The following CTNNA2 variants were observed in gnomAD, a reference collection of about 807,000 sequenced individuals.
CTNNA2 encodes the protein catenin alpha-2.
In CTNNA2, 42 loss-of-function variants were observed where a neutral mutation model predicts 101.0. The observed-to-expected ratio is 0.42, with a 90% CI of 0.32 to 0.54. The LOEUF (loss-of-function observed/expected upper bound fraction) is 0.54. Ranked by LOEUF, CTNNA2 falls within the 20% of genes least tolerant of loss-of-function variation. The pLI, the probability that CTNNA2 is intolerant of heterozygous loss-of-function variation, is 0.14. For missense variants in CTNNA2, 871 were observed against 1,223.1 expected (o/e 0.71, Z 4.29); for synonymous variants, 450 against 456.4 (o/e 0.99, Z 0.18).
chr2:79,268,116 G>A (rs1292087408), intron 2 of CTNNA2, among the ~76,000 whole-genome samples: 1 of 152,112 alleles, frequency 6.6e-6, no homozygotes, highest in African/African-American at 2.4e-5. Context: ...GTAGGCAGGG[G>A]CCTGATGGTA....
intron 9 of CTNNA2, among the ~76,000 whole-genome samples, chr2:80,450,684 C>A (rs1488767531): frequency 1.3e-5 from 2 of 152,116 alleles, no homozygotes; most frequent in Non-Finnish European, 2.9e-5. Context: ...CATTCAGATG[C>A]TTCCTTGAAT....
At chr2:79,370,475 A>T (rs1034426073) in intron 3 of CTNNA2, among the ~76,000 whole-genome samples, 3 of 152,204 alleles carry the variant, frequency 2.0e-5, no homozygotes, top group African/African-American at 7.2e-5. Context: ...ATAGAAAATC[A>T]TTGGAAAAAT....
At chr2:79,378,071 A>T (rs1209139023) in intron 4 of CTNNA2, among the ~76,000 whole-genome samples, 3 of 152,220 alleles carry the variant, frequency 2.0e-5, no homozygotes, top group Non-Finnish European at 4.4e-5. Flanking sequence ...TGTAGGACAC[A>T]GTATTGACCA....
intron 9 of CTNNA2, among the ~76,000 whole-genome samples, chr2:80,458,514 GT>G (rs1684168424): frequency 6.6e-6 from 1 of 152,120 alleles, no homozygotes; most frequent in African/African-American, 2.4e-5. Flanking sequence ...TTATATTTGT[GT>G]TTGGCTGGTT....
intron 7 of CTNNA2, among the ~76,000 whole-genome samples, chr2:79,928,261 T>G (rs1387749600): frequency 6.6e-6 from 1 of 152,184 alleles, no homozygotes; most frequent in Non-Finnish European, 1.5e-5. Flanking sequence ...CAGCTGTGGT[T>G]TTAATTGTCA....
intron 8 of CTNNA2, among the ~76,000 whole-genome samples, chr2:80,403,948 G>T (rs1437780933): frequency 6.6e-6 from 1 of 152,170 alleles, no homozygotes; most frequent in Non-Finnish European, 1.5e-5. Context: ...CTTGCAACCT[G>T]CAGATGAGGC....
chr2:79,895,692 AT>A (rs70940058), intron 6 of CTNNA2, among the ~76,000 whole-genome samples: 33,450 of 140,396 alleles, frequency 0.24, 4,028 homozygotes, highest in African/African-American at 0.3. Flanking sequence ...AAATTTCTTA[AT>A]TTTTTTTTTT....
At chr2:80,429,291 T>C (rs1431341557) in intron 9 of CTNNA2, among the ~76,000 whole-genome samples, 1 of 152,206 alleles carries the variant, frequency 6.6e-6, no homozygotes, top group Non-Finnish European at 1.5e-5. Flanking sequence ...ATTTAATGCT[T>C]CTGACAACCT....
At chr2:79,466,190 T>C (rs564481208) in intron 4 of CTNNA2, among the ~76,000 whole-genome samples, 1 of 152,336 alleles carries the variant, frequency 6.6e-6, no homozygotes, top group Admixed American at 6.5e-5. Flanking sequence ...CCCACCCTAA[T>C]ACTGCGCTTT....
At chr2:79,404,066 T>G (rs1291035250) in intron 4 of CTNNA2, among the ~76,000 whole-genome samples, 1 of 151,792 alleles carries the variant, frequency 6.6e-6, no homozygotes, top group East Asian at 1.9e-4. Flanking sequence ...CTTCTGTTTC[T>G]AACAAATTTT....
rs557614592 is a variant in CTNNA2 at position 80,365,903 on chromosome 2, G to A, written c.1057-27308G>A. ...AGAGTGCATTTTTCCCCCTGTGGTCGGCTGTTATGCTTGCCCCTCGGGGCC... is the reference window on the plus strand; with the variant it reads ...AGAGTGCATTTTTCCCCCTGTGGTCAGCTGTTATGCTTGCCCCTCGGGGCC... On this transcript the variant is annotated intron_variant, in intron 7 of 18. Transcript: ENST00000402739. Among the ~76,000 whole-genome samples, 8 of 152,230 alleles carry A rather than the reference G, an allele frequency of 5.3e-5. No individual in the cohort carries two copies. The East Asian group carries it at 1.2e-3, about 22-fold the overall frequency.
intron 3 of CTNNA2, among the ~76,000 whole-genome samples, chr2:79,344,464 A>G (rs192934257): frequency 6.6e-6 from 1 of 152,210 alleles, no homozygotes; most frequent in African/African-American, 2.4e-5. Flanking sequence ...CCCCCTTTGG[A>G]AAAGTTTCAC....
intron 3 of CTNNA2, among the ~76,000 whole-genome samples, chr2:79,777,399 C>T (rs1388386356): frequency 6.7e-6 from 1 of 148,668 alleles, no homozygotes. Flanking sequence ...TATTCATTTG[C>T]ATTCCTTACC....
At chr2:80,021,095 C>CT (rs1694530966) in intron 7 of CTNNA2, among the ~76,000 whole-genome samples, 1 of 147,554 alleles carries the variant, frequency 6.8e-6, no homozygotes, top group African/African-American at 2.5e-5. Flanking sequence ...TCGTGGCTCA[C>CT]TGCAACCTCC....
chr2:79,882,391 T>A (rs538646981), intron 6 of CTNNA2, among the ~76,000 whole-genome samples: 2 of 152,284 alleles, frequency 1.3e-5, no homozygotes, highest in African/African-American at 4.8e-5. Context: ...CCATTTTCTG[T>A]CCCTGAGTCT....
At chr2:79,905,232 C>A (rs1685340767) in intron 6 of CTNNA2, among the ~76,000 whole-genome samples, 1 of 151,768 alleles carries the variant, frequency 6.6e-6, no homozygotes, top group Non-Finnish European at 1.5e-5. Context: ...AGCAAATAAG[C>A]AAATAAGAAA....
At position 79,864,660 on chromosome 2, in the gene CTNNA2, A is replaced by G. The variant is rs116159365; in HGVS notation, c.466-5156A>G. Among the ~76,000 whole-genome samples, 1,052 of 152,318 alleles carry G rather than the reference A, an allele frequency of 6.9e-3. 13 individuals are homozygous for G. The highest frequency in any genetic ancestry group is 0.023 in the African/African-American group (951 of 41,572). Reference sequence around the variant, plus strand: ...TGTGAAAAAGAGGTAGATTTTACAGATACTCAGGATATAGAGGCACAGTGA... The same window carrying G: ...TGTGAAAAAGAGGTAGATTTTACAGGTACTCAGGATATAGAGGCACAGTGA... On this transcript the variant is annotated intron_variant, in intron 4 of 18. Coordinates refer to ENST00000402739, the MANE Select transcript of CTNNA2 (RefSeq NM_001282597.3).
Position 79,203,349 on chromosome 2 carries a change from T to G in CTNNA2, c.-406+5273T>G, listed in dbSNP as rs78156256. Among the ~76,000 whole-genome samples, 963 of 152,314 alleles carry G rather than the reference T, an allele frequency of 6.3e-3. 5 individuals are homozygous for G. Among genetic ancestry groups the G allele is most frequent in the African/African-American group, 0.022 (919 of 41,574 alleles). On this transcript the variant is annotated intron_variant, in intron 2 of 21. Coordinates refer to the CTNNA2 transcript ENST00000466387. ...TCATGACTCATATAAATGAAACATA[T>G]GTTAAAGATTTTATTTAACTCATAT...
chr2:79,846,266 C>T (rs1256490544), intron 3 of CTNNA2, among the ~76,000 whole-genome samples: 1 of 152,192 alleles, frequency 6.6e-6, no homozygotes, highest in African/African-American at 2.4e-5. Context: ...TTTGTTTAGC[C>T]AAAGACTCCT....
Sources: gnomAD v4.1 joint callset for allele counts (sites outside exome capture counted in the v4.1 genomes callset) on GRCh38, gnomAD v4.1.1 for gene constraint, MANE v1.5 for transcripts, NCBI Gene and HGNC (gene_info 2026-07-23, HGNC 2026-07-21) for gene names.